The following DLGAP2 variants were observed in gnomAD, a reference collection of about 807,000 sequenced individuals.
DLGAP2 encodes disks large-associated protein 2.
In DLGAP2, 26 loss-of-function variants were observed where a neutral mutation model predicts 100.3. The observed-to-expected ratio is 0.26, with a 90% CI of 0.19 to 0.36. DLGAP2 has a LOEUF of 0.36. Ranked by LOEUF, DLGAP2 falls within the 10% of genes least tolerant of loss-of-function variation. The probability of loss-of-function intolerance (pLI) is 1.00; values close to 1 mark genes in which losing one functional copy is unlikely to be tolerated. For missense variants in DLGAP2, 1,858 were observed against 1,453.2 expected (o/e 1.28, Z -4.53); for synonymous variants, 886 against 630.1 (o/e 1.41, Z -6.08).
At chr8:1,572,338 C>T (rs1363168801) in intron 6 of DLGAP2, among the ~76,000 whole-genome samples, 5 of 96,440 alleles carry the variant, frequency 5.2e-5, no homozygotes, top group African/African-American at 8.4e-5. Flanking sequence ...ACTGTGGGGG[C>T]GTCTTCTGGG....
At chr8:1,364,506 G>T (rs908535871) in intron 3 of DLGAP2, among the ~76,000 whole-genome samples, 1 of 150,232 alleles carries the variant, frequency 6.7e-6, no homozygotes, top group South Asian at 2.1e-4. Context: ...GAAGGGCGGG[G>T]GGGGTGCAGC....
intron 2 of DLGAP2, among the ~76,000 whole-genome samples, chr8:1,233,703 G>C (rs565418610): frequency 3.9e-5 from 6 of 152,270 alleles, no homozygotes; most frequent in African/African-American, 1.4e-4. Context: ...AGTGTGTTGA[G>C]CACATGTCAG....
intron 2 of DLGAP2, among the ~76,000 whole-genome samples, chr8:1,088,213 G>A (rs1804041312): frequency 6.6e-6 from 1 of 152,182 alleles, no homozygotes; most frequent in African/African-American, 2.4e-5. Flanking sequence ...AGTCCTGGTA[G>A]CCAATATTCA....
intron 2 of DLGAP2, among the ~76,000 whole-genome samples, chr8:956,028 A>G (rs372773644): frequency 2.0e-5 from 3 of 152,164 alleles, no homozygotes; most frequent in Admixed American, 6.5e-5. Context: ...CTTCAGAAAG[A>G]TGGGGTGATG....
intron 2 of DLGAP2, among the ~76,000 whole-genome samples, chr8:1,027,588 G>C (rs1213680956): frequency 6.7e-6 from 1 of 149,820 alleles, no homozygotes; most frequent in Non-Finnish European, 1.5e-5. Context: ...TCCAGGTGGG[G>C]TGCCAGGGGC....
At chr8:1,508,234 G>A (rs1212721677) in intron 4 of DLGAP2, among the ~76,000 whole-genome samples, 1 of 146,798 alleles carries the variant, frequency 6.8e-6, no homozygotes, top group Non-Finnish European at 1.5e-5. Flanking sequence ...TCCCATTCTG[G>A]CCTCCTGAAG....
intron 2 of DLGAP2, among the ~76,000 whole-genome samples, chr8:1,022,973 C>T (rs1377291210): frequency 6.6e-6 from 1 of 152,228 alleles, no homozygotes; most frequent in Non-Finnish European, 1.5e-5. Flanking sequence ...TGAATGTCCT[C>T]ACAGGGAACA....
rs373886160 is a variant in DLGAP2, at chr8:1,469,519, C to T, written c.107-31847C>T. 1.5e-4 allele frequency among the ~76,000 whole-genome samples: 23 copies of T among 152,300 alleles called. No homozygotes were observed. The East Asian group carries it at 1.9e-3, about 13-fold the overall frequency. On this transcript the variant is annotated intron_variant, in intron 3 of 14. Transcript: ENST00000637795. ...TACTGGAAAGCAGCCTGGAGAGAGA[C>T]GTCTGCTGCTGAGGACCTTGCCTGC...
At chr8:1,164,884 C>G (rs538325239) in intron 2 of DLGAP2, among the ~76,000 whole-genome samples, 12 of 152,262 alleles carry the variant, frequency 7.9e-5, no homozygotes, top group Admixed American at 5.2e-4. Flanking sequence ...TGGTCTCACT[C>G]TTGACCTCGT....
chr8:1,023,427 C>T (rs1212436415), intron 2 of DLGAP2, among the ~76,000 whole-genome samples: 1 of 152,140 alleles, frequency 6.6e-6, no homozygotes, highest in Non-Finnish European at 1.5e-5. Context: ...CTCCTGGGTT[C>T]AAGCAGCATC....
intron 7 of DLGAP2, among the ~76,000 whole-genome samples, chr8:1,629,076 T>C (rs191595791): frequency 5.3e-5 from 8 of 152,338 alleles, no homozygotes; most frequent in Admixed American, 3.3e-4. Context: ...TGTGAGCTCT[T>C]GGTAGCTTGC....
At chr8:1,512,597 G>A (rs1025218009) in intron 4 of DLGAP2, among the ~76,000 whole-genome samples, 1 of 151,962 alleles carries the variant, frequency 6.6e-6, no homozygotes, top group African/African-American at 2.4e-5. Flanking sequence ...GCAGCGAAAT[G>A]CCTGCACTGA....
At position 1,204,225 on chromosome 8, in the gene DLGAP2, G is replaced by A. The variant is rs1797943284; in HGVS notation, c.74-54626G>A. ...CAGCGGGTTTTTATCTGCTCCTACT[G>A]TGTGCCCTGCGCTGTGTTAGATTCC... On this transcript the variant is annotated intron_variant, in intron 2 of 14. Coordinates refer to ENST00000637795, the MANE Select transcript of DLGAP2 (RefSeq NM_001346810.2). Among the ~76,000 whole-genome samples the A allele has an allele frequency of 2.0e-5, 3 of 152,232 alleles. No homozygotes were observed. The South Asian group carries it at 6.2e-4, about 32-fold the overall frequency.
At chr8:944,419 C>A (rs1432847246) in intron 2 of DLGAP2, among the ~76,000 whole-genome samples, 5 of 151,736 alleles carry the variant, frequency 3.3e-5, no homozygotes, top group African/African-American at 1.2e-4. Flanking sequence ...GGTAATTGAT[C>A]CCTGTGGATG....
intron 1 of DLGAP2, among the ~76,000 whole-genome samples, chr8:759,780 C>T (rs756896532): frequency 1.3e-5 from 2 of 152,190 alleles, no homozygotes; most frequent in Non-Finnish European, 2.9e-5. Flanking sequence ...TACCTCTTCC[C>T]CTCTCTCGAT....
chr8:1,143,909 A>G (rs779745839), intron 2 of DLGAP2, among the ~76,000 whole-genome samples: 3 of 152,196 alleles, frequency 2.0e-5, no homozygotes, highest in Non-Finnish European at 4.4e-5. Context: ...TAGCAACATA[A>G]CAGAGGACTA....
intron 8 of DLGAP2, among the ~76,000 whole-genome samples, chr8:1,665,235 C>G (rs540815896): frequency 2.0e-5 from 3 of 152,146 alleles, no homozygotes; most frequent in African/African-American, 7.2e-5. Flanking sequence ...TTAAATTTTA[C>G]TTAAATACAC....
At chr8:1,445,663 A>G (rs1246307912) in intron 3 of DLGAP2, among the ~76,000 whole-genome samples, 12 of 152,200 alleles carry the variant, frequency 7.9e-5, no homozygotes, top group Admixed American at 4.6e-4. Context: ...AGGAATTGCC[A>G]CACTGACTTC....
chr8:1,550,448 G>C (rs993659446), intron 5 of DLGAP2, among the ~76,000 whole-genome samples: 2 of 152,078 alleles, frequency 1.3e-5, no homozygotes, highest in African/African-American at 2.4e-5. Flanking sequence ...GGCCTCTAAG[G>C]CTGGAGGGTT....
Sources: allele counts gnomAD v4.1 joint callset (sites outside exome capture counted in the v4.1 genomes callset), GRCh38; gene constraint gnomAD v4.1.1; transcripts MANE v1.5; gene names NCBI Gene and HGNC (gene_info 2026-07-23, HGNC 2026-07-21).